Variants in XYLT1 observed in about 807,000 individuals in gnomAD.
XYLT1 encodes beta-D-xylosyltransferase 1.
XYLT1 carries 36 observed loss-of-function variants against 91.3 expected under a neutral mutation model. The ratio of observed to expected loss-of-function variants is 0.39; its 90% confidence interval spans 0.30 to 0.52. XYLT1 has a LOEUF of 0.52. Ranked by LOEUF, XYLT1 falls within the 20% of genes least tolerant of loss-of-function variation. The probability of loss-of-function intolerance (pLI) is 0.68; values close to 1 mark genes in which losing one functional copy is unlikely to be tolerated. For missense variants in XYLT1, 1,242 were observed against 1,284.5 expected (o/e 0.97, Z 0.51); for synonymous variants, 588 against 532.0 (o/e 1.11, Z -1.45).
intron 1 of XYLT1, among the ~76,000 whole-genome samples, chr16:17,368,917 T>C (rs2035490107): frequency 6.6e-6 from 1 of 152,054 alleles, no homozygotes; most frequent in African/African-American, 2.4e-5. Flanking sequence ...AGTATTTCCT[T>C]GTTCCTGGAT....
At chr16:17,128,487 C>G (rs2030342311) in intron 9 of XYLT1, among the ~76,000 whole-genome samples, 1 of 152,200 alleles carries the variant, frequency 6.6e-6, no homozygotes, top group African/African-American at 2.4e-5. Context: ...CATTCAACAT[C>G]TTTGAGCAAA....
chr16:17,369,710 C>T (rs548856774), intron 1 of XYLT1: 1 of 152,328 alleles, frequency 6.6e-6, no homozygotes, highest in East Asian at 1.9e-4. Flanking sequence ...GACCATCTTC[C>T]TCTAGCTCAA....
In XYLT1 at chr16:17,257,769, A is replaced by C. The variant is rs142197566; in HGVS notation, c.913+1219T>G. 2.6e-3 allele frequency among the ~76,000 whole-genome samples: 397 copies of C among 152,250 alleles called. 1 individual carries two copies. Among genetic ancestry groups the C allele is most frequent in the Non-Finnish European group, 3.9e-3 (266 of 68,016 alleles). ...GATTTTACATCTCTCATCTGAAAAA[A>C]ATTGGGCTCATGACATCAGCATCAG... On this transcript the variant is annotated intron_variant, in intron 3 of 11. Transcript: ENST00000261381.
At chr16:17,171,240 G>A (rs1167709748) in intron 5 of XYLT1, among the ~76,000 whole-genome samples, 2 of 152,156 alleles carry the variant, frequency 1.3e-5, no homozygotes, top group East Asian at 1.9e-4. Context: ...GTAGGATACA[G>A]CAAGGATCTC....
At chr16:17,223,246 C>T (rs1346036881) in intron 3 of XYLT1, among the ~76,000 whole-genome samples, 1 of 152,190 alleles carries the variant, frequency 6.6e-6, no homozygotes, top group East Asian at 1.9e-4. Flanking sequence ...GTGTTCCCAG[C>T]ATTGGGGAAG....
At chr16:17,281,108 A>T (rs2034050786) in intron 2 of XYLT1, among the ~76,000 whole-genome samples, 1 of 152,154 alleles carries the variant, frequency 6.6e-6, no homozygotes, top group Non-Finnish European at 1.5e-5. Flanking sequence ...ACCTGCTGTG[A>T]ATCAAGGTCA....
At chr16:17,390,758 A>G (rs1468034527) in intron 1 of XYLT1, among the ~76,000 whole-genome samples, 1 of 152,208 alleles carries the variant, frequency 6.6e-6, no homozygotes, top group African/African-American at 2.4e-5. Flanking sequence ...AGCCTTGGCC[A>G]GGGGCAGTGG....
chr16:17,351,673 A>C (rs1189472571), intron 2 of XYLT1, among the ~76,000 whole-genome samples: 1 of 151,148 alleles, frequency 6.6e-6, no homozygotes, highest in Non-Finnish European at 1.5e-5. Context: ...TTTGTAAAAT[A>C]AACTGTCCTC....
intron 6 of XYLT1, among the ~76,000 whole-genome samples, chr16:17,158,165 A>T (rs11859309): frequency 2.0e-5 from 3 of 152,082 alleles, no homozygotes; most frequent in Admixed American, 2.0e-4. Context: ...GCTCAGCTCA[A>T]TGCTGAACTG....
intron 3 of XYLT1, among the ~76,000 whole-genome samples, chr16:17,204,592 T>A (rs904195908): frequency 6.6e-6 from 1 of 152,090 alleles, no homozygotes; most frequent in East Asian, 1.9e-4. Context: ...AGGAGAAAGA[T>A]CAACCATTTA....
At chr16:17,353,920 G>C (rs1336198249) in intron 2 of XYLT1, among the ~76,000 whole-genome samples, 4 of 152,150 alleles carry the variant, frequency 2.6e-5, no homozygotes, top group African/African-American at 4.8e-5. Flanking sequence ...GTGTGACCCT[G>C]GGCAAGTTAC....
At chr16:17,459,638 T>G (rs1244547372) in intron 1 of XYLT1, among the ~76,000 whole-genome samples, 1 of 152,228 alleles carries the variant, frequency 6.6e-6, no homozygotes, top group Admixed American at 6.5e-5. Context: ...CAGCTCTTTC[T>G]TTTCGTTCAG....
At chr16:17,345,167 G>A (rs1010727063) in intron 2 of XYLT1, among the ~76,000 whole-genome samples, 5 of 152,164 alleles carry the variant, frequency 3.3e-5, no homozygotes, top group African/African-American at 7.2e-5. Flanking sequence ...CTGACCACTC[G>A]TCATCCAGGC....
intron 1 of XYLT1, among the ~76,000 whole-genome samples, chr16:17,374,642 G>GA (rs10622995): frequency 0.22 from 31,057 of 144,306 alleles, 5,453 homozygotes; most frequent in African/African-American, 0.49. Context: ...ATTACAGACA[G>GA]AAAAAAAAAA....
chr16:17,437,583 C>T (rs775073608), intron 1 of XYLT1, among the ~76,000 whole-genome samples: 10 of 152,132 alleles, frequency 6.6e-5, no homozygotes, highest in African/African-American at 1.4e-4. Flanking sequence ...TCTCTTGAAA[C>T]GCCACCCTGC....
At chr16:17,267,701 G>T (rs969447742) in intron 2 of XYLT1, among the ~76,000 whole-genome samples, 1 of 152,194 alleles carries the variant, frequency 6.6e-6, no homozygotes, top group African/African-American at 2.4e-5. Flanking sequence ...GAGCCACCAC[G>T]CCCGGCCAAG....
At chr16:17,138,294 C>T (rs2030834870) in intron 8 of XYLT1, 61 bp downstream of exon 8, 2 of 1,579,650 alleles carry the variant, frequency 1.3e-6, no homozygotes, top group Non-Finnish European at 8.6e-7. Context: ...CCTTGGATTT[C>T]TGCAGAGGTT....
chr16:17,381,724 G>C (rs527418476), intron 1 of XYLT1, among the ~76,000 whole-genome samples: 1 of 152,192 alleles, frequency 6.6e-6, no homozygotes, highest in South Asian at 2.1e-4. Context: ...ACTGTGCCTG[G>C]TCGCAATATC....
chr16:17,411,940 C>G lies in XYLT1; in HGVS notation c.364-53890G>C, dbSNP rs557115045. 2.6e-5 allele frequency among the ~76,000 whole-genome samples: 4 copies of G among 151,942 alleles called. No individual in the cohort carries two copies. In the South Asian group the frequency reaches 8.3e-4, roughly 32 times the overall value. ...TCCGGCTGCCCATCACTAGGTGGCC[C>G]GGAGGCCTAAGGTGAAAAGGATGTT... On this transcript the variant is annotated intron_variant, in intron 1 of 11. Coordinates refer to ENST00000261381, the MANE Select transcript of XYLT1 (RefSeq NM_022166.4).
Sources: gnomAD v4.1 joint callset for allele counts (sites outside exome capture counted in the v4.1 genomes callset) on GRCh38, gnomAD v4.1.1 for gene constraint, MANE v1.5 for transcripts, NCBI Gene and HGNC (gene_info 2026-07-23, HGNC 2026-07-21) for gene names.